NBAS: variants seen among roughly 807,000 people sequenced by gnomAD.
NBAS encodes NAG/BC035112 fusion.
In NBAS, 219 loss-of-function variants were observed where a neutral mutation model predicts 302.5. The ratio of observed to expected loss-of-function variants is 0.72; its 90% CI spans 0.65 to 0.81. The LOEUF is 0.81. NBAS is among the 30% of genes least tolerant of loss of function. The pLI is 0.00. For synonymous variants in NBAS, 1,118 were observed against 1,021.6 expected (o/e 1.09, Z -1.80); for missense variants, 2,932 against 2,841.6 (o/e 1.03, Z -0.72).
At chr2:15,367,222 T>C (rs1166492836) in intron 31 of NBAS, among the ~76,000 whole-genome samples, 5 of 152,014 alleles carry the variant, frequency 3.3e-5, no homozygotes, top group Non-Finnish European at 4.4e-5. Context: ...AACTGGATAT[T>C]AGGAAAATAA....
At chr2:14,885,762 T>C in the NBAS span, among the ~76,000 whole-genome samples, 35 of 152,042 alleles carry the variant, frequency 2.3e-4, no homozygotes, top group Non-Finnish European at 4.3e-4. Flanking sequence ...AGGGCAAGGA[T>C]TCATAGAGGA....
the NBAS span, among the ~76,000 whole-genome samples, chr2:14,845,677 C>T: frequency 6.6e-6 from 1 of 151,992 alleles, no homozygotes; most frequent in South Asian, 2.1e-4. Flanking sequence ...AGAAGAAATT[C>T]AGAATTCTAT....
chr2:15,170,494 C>A (rs1169123718), intron 51 of NBAS, among the ~76,000 whole-genome samples: 2 of 152,134 alleles, frequency 1.3e-5, no homozygotes, highest in Non-Finnish European at 2.9e-5. Context: ...TAAAGGTCTG[C>A]GTTTGCTGAC....
intron 40 of NBAS, among the ~76,000 whole-genome samples, chr2:15,302,426 T>G (rs959255473): frequency 6.6e-6 from 1 of 152,250 alleles, no homozygotes; most frequent in South Asian, 2.1e-4. Flanking sequence ...CTGGGCCCCA[T>G]GTACTGTACT....
At chr2:15,477,722 T>A (rs1035247) in intron 13 of NBAS, among the ~76,000 whole-genome samples, 95,191 of 151,998 alleles carry the variant, frequency 0.63, 30,559 homozygotes, top group Middle Eastern at 0.68. Context: ...CAGGATTTTA[T>A]AATATCTCTG....
chr2:15,129,029 A>C, the NBAS span, among the ~76,000 whole-genome samples: 1 of 152,180 alleles, frequency 6.6e-6, no homozygotes, highest in Non-Finnish European at 1.5e-5. Flanking sequence ...CTGAGTGCCC[A>C]TGGGCGGGCC....
chr2:15,539,944 T>A (rs1332781865), intron 6 of NBAS, among the ~76,000 whole-genome samples: 1 of 152,048 alleles, frequency 6.6e-6, no homozygotes, highest in Non-Finnish European at 1.5e-5. Flanking sequence ...TCACACAATT[T>A]CAAGATTTTG....
At chr2:14,847,997 A>T in the NBAS span, among the ~76,000 whole-genome samples, 3 of 152,352 alleles carry the variant, frequency 2.0e-5, no homozygotes, top group South Asian at 6.2e-4. Flanking sequence ...CAATACAGAC[A>T]TATGGAAATT....
At chr2:15,122,174 A>C in the NBAS span, among the ~76,000 whole-genome samples, 1 of 152,024 alleles carries the variant, frequency 6.6e-6, no homozygotes, top group African/African-American at 2.4e-5. Flanking sequence ...TAAAGAAATA[A>C]CCCGAGGCTG....
the NBAS span, among the ~76,000 whole-genome samples, chr2:15,052,279 C>T: frequency 2.6e-5 from 4 of 152,198 alleles, no homozygotes; most frequent in African/African-American, 9.7e-5. Flanking sequence ...AGACCATATC[C>T]ATATATTTTC....
At chr2:14,827,775 T>C in the NBAS span, among the ~76,000 whole-genome samples, 1 of 152,206 alleles carries the variant, frequency 6.6e-6, no homozygotes, top group East Asian at 1.9e-4. Context: ...GGGAATGGAA[T>C]GGTGTTTGCC....
chr2:14,818,188 T>C, the NBAS span, among the ~76,000 whole-genome samples: 45 of 152,282 alleles, frequency 3.0e-4, no homozygotes, highest in African/African-American at 1.1e-3. Flanking sequence ...TCTTTAGAAA[T>C]CACCTCCTAC....
At chr2:15,383,962 G>A (rs980939150) in intron 28 of NBAS, among the ~76,000 whole-genome samples, 8 of 152,144 alleles carry the variant, frequency 5.3e-5, no homozygotes, top group Admixed American at 1.3e-4. Flanking sequence ...GAGAGTAGTC[G>A]CTGGCATTGC....
chr2:14,867,880 A>G, the NBAS span, among the ~76,000 whole-genome samples: 5 of 152,222 alleles, frequency 3.3e-5, no homozygotes, highest in Non-Finnish European at 1.5e-5. Context: ...ATGGTTTAGA[A>G]TTATTAAATG....
At chr2:15,351,513 C>A (rs1185939474) in intron 35 of NBAS, among the ~76,000 whole-genome samples, 1 of 151,876 alleles carries the variant, frequency 6.6e-6, no homozygotes, top group Non-Finnish European at 1.5e-5. Context: ...CCCATCTCAA[C>A]CAAAAATTCA....
At chr2:14,807,390 T>C in the NBAS span, among the ~76,000 whole-genome samples, 1 of 152,106 alleles carries the variant, frequency 6.6e-6, no homozygotes, top group South Asian at 2.1e-4. Flanking sequence ...AAAATAATTA[T>C]CCATAGCTCT....
intron 25 of NBAS, among the ~76,000 whole-genome samples, chr2:15,415,123 C>T (rs1572812415): frequency 6.6e-6 from 1 of 152,140 alleles, no homozygotes; most frequent in East Asian, 1.9e-4. Flanking sequence ...GGTTTCTCTA[C>T]TTACTGTGCA....
chr2:15,330,567 T>C, intron 36 of NBAS, 31 bp downstream of exon 36: 1 of 1,612,714 alleles, frequency 6.2e-7, no homozygotes, highest in Non-Finnish European at 8.5e-7. Flanking sequence ...AACCATGCAG[T>C]TGATTTTAAA....
At chr2:15,548,872 A>G (rs1466929188) in intron 6 of NBAS, among the ~76,000 whole-genome samples, 1 of 152,152 alleles carries the variant, frequency 6.6e-6, no homozygotes, top group Non-Finnish European at 1.5e-5. Flanking sequence ...GAAGAACACA[A>G]TGGGGTTAGA....
Sources: allele counts gnomAD v4.1 joint callset (sites outside exome capture counted in the v4.1 genomes callset), GRCh38; gene constraint gnomAD v4.1.1; transcripts MANE v1.5; gene names NCBI Gene and HGNC (gene_info 2026-07-23, HGNC 2026-07-21).